The following PCDHA6 variants were observed in gnomAD, a reference collection of about 807,000 sequenced individuals.
The protein encoded by PCDHA6 is protocadherin alpha-6.
A neutral mutation model predicts 60.3 loss-of-function variants in PCDHA6; 55 were observed. The ratio of observed to expected loss-of-function variants is 0.91; its 90% confidence interval spans 0.73 to 1.14. The LOEUF (loss-of-function observed/expected upper bound fraction) is 1.14. Ranked by LOEUF, PCDHA6 falls within the 50% of genes most tolerant of loss-of-function variation. PCDHA6 has a pLI of 0.00. For synonymous variants in PCDHA6, 652 were observed against 557.9 expected, an observed-to-expected ratio of 1.17 and a Z score of -2.38; for missense variants, 1,327 against 1,256.5, an observed-to-expected ratio of 1.06 and a Z score of -0.85.
chr5:140,841,114 T>C (rs2150311282), intron 1 of PCDHA6: 5 of 610,018 alleles, frequency 8.2e-6, no homozygotes, highest in Non-Finnish European at 1.4e-5. Flanking sequence ...AAGTAATTCA[T>C]GTAATCATTA....
chr5:140,924,110 CAGTT>C (rs1462987261), intron 1 of PCDHA6, among the ~76,000 whole-genome samples: 2 of 152,206 alleles, frequency 1.3e-5, no homozygotes, highest in Non-Finnish European at 2.9e-5. Flanking sequence ...CATTCCAAAG[CAGTT>C]AGCTTGCTTA....
intron 3 of PCDHA6, among the ~76,000 whole-genome samples, chr5:141,003,398 G>A (rs1282074480): frequency 1.3e-5 from 2 of 152,114 alleles, no homozygotes; most frequent in African/African-American, 4.8e-5. Flanking sequence ...TGAAACCTCC[G>A]CCTCCCGGGT....
intron 1 of PCDHA6, among the ~76,000 whole-genome samples, chr5:140,891,866 T>C (rs2063289213): frequency 6.6e-6 from 1 of 152,184 alleles, no homozygotes; most frequent in Non-Finnish European, 1.5e-5. Flanking sequence ...TCTCTTATGC[T>C]TTTGGCTCTG....
chr5:140,835,420 A>G (rs2150235357), intron 1 of PCDHA6: 60 of 1,613,840 alleles, frequency 3.7e-5, no homozygotes, highest in Non-Finnish European at 4.5e-5. Context: ...GTAAATGACA[A>G]TGCTCCACAG....
At chr5:140,967,627 C>G (rs1218869340) in intron 1 of PCDHA6, 16 of 1,614,040 alleles carry the variant, frequency 9.9e-6, no homozygotes, top group Non-Finnish European at 1.3e-5. Context: ...CGGATGAGGG[C>G]TCCAATGGTG....
chr5:140,849,684 C>A (rs782599904), intron 1 of PCDHA6: 2 of 1,598,734 alleles, frequency 1.3e-6, no homozygotes, highest in Non-Finnish European at 8.6e-7. Flanking sequence ...CCCCTTCAAG[C>A]TGGTGTCCAC....
At chr5:140,907,416 T>C (rs1209334366) in intron 1 of PCDHA6, among the ~76,000 whole-genome samples, 1 of 152,206 alleles carries the variant, frequency 6.6e-6, no homozygotes, top group East Asian at 1.9e-4. Flanking sequence ...ACCACGATGG[T>C]GGATAAGGCA....
Position 140,855,947 on chromosome 5 carries a change from T to A in PCDHA6, c.2394+25462T>A. On this transcript the variant is annotated intron_variant, in intron 1 of 3. Transcript: ENST00000529310. Reference sequence around the variant, plus strand: ...TAGCGTCATTCTGAGATCTCAGCCATTTCGATAAAAAATAGATATAAGAAA... The same window carrying A: ...TAGCGTCATTCTGAGATCTCAGCCAATTCGATAAAAAATAGATATAAGAAA... 2.9e-6 allele frequency: 4 copies of A among 1,358,712 alleles called. No homozygotes were observed. In the Admixed American group the frequency reaches 7.1e-5, roughly 24 times the overall value. The allele number at this position is 1,358,712 out of a possible 1,614,324, so 84.2% of individuals were successfully genotyped here. A position where few individuals can be genotyped will look rare whatever the true frequency, so the allele number is the denominator to read the frequency against.
rs191251073 is a variant in PCDHA6, at chr5:140,928,748, G to C, written c.2395-50201G>C. ...ATTTCAGCCAATATAGGTGAGCTCCGTACTGCTCGCTTAGTTCTTCCCACT... is the reference window on the plus strand; with the variant it reads ...ATTTCAGCCAATATAGGTGAGCTCCCTACTGCTCGCTTAGTTCTTCCCACT... On this transcript the variant is annotated intron_variant, in intron 1 of 3. Coordinates refer to ENST00000529310, the MANE Select transcript of PCDHA6 (RefSeq NM_018909.4). The C allele has an allele frequency of 1.9e-6, 3 of 1,614,114 alleles. No individual in the cohort carries two copies. In the Admixed American group the frequency reaches 5.0e-5, roughly 27 times the overall value.
chr5:140,966,470 T>C, intron 1 of PCDHA6: 1 of 431,298 alleles, frequency 2.3e-6, no homozygotes, highest in Non-Finnish European at 4.0e-6. Context: ...TCTTCCCTTC[T>C]GTTTCCTTTT....
chr5:140,870,197 G>A lies in PCDHA6; in HGVS notation c.2394+39712G>A. The stretch of plus-strand genomic sequence containing the variant: ...CCAGTACGAGAGGACGCTCAGCCCA[G>A]CACGGTCATTGCCCTGATCAGCGTG... On this transcript the variant is annotated intron_variant, in intron 1 of 3. Coordinates refer to ENST00000529310, the MANE Select transcript of PCDHA6 (RefSeq NM_018909.4). 1 of 1,614,174 alleles carries A rather than the reference G, an allele frequency of 6.2e-7. No individual in the cohort carries two copies. Among genetic ancestry groups the A allele is most frequent in the East Asian group, 2.2e-5 (1 of 44,880 alleles).
intron 1 of PCDHA6, among the ~76,000 whole-genome samples, chr5:140,970,399 G>A (rs2096402631): frequency 6.6e-6 from 1 of 152,172 alleles, no homozygotes; most frequent in Non-Finnish European, 1.5e-5. Flanking sequence ...AAAGTGGATG[G>A]CTTACCCTAC....
At chr5:140,967,120 G>C in intron 1 of PCDHA6, 1 of 1,612,860 alleles carries the variant, frequency 6.2e-7, no homozygotes, top group East Asian at 2.2e-5. Flanking sequence ...CTCGCTGCCT[G>C]CTCAGCTTGG....
intron 1 of PCDHA6, chr5:140,929,973 G>A (rs955255771): frequency 6.6e-6 from 1 of 152,136 alleles, no homozygotes; most frequent in Non-Finnish European, 1.5e-5. Context: ...TTTGGTGAAG[G>A]TGTCTTCTTT....
At chr5:140,976,740 A>C (rs1425716353) in intron 1 of PCDHA6, among the ~76,000 whole-genome samples, 7 of 152,192 alleles carry the variant, frequency 4.6e-5, no homozygotes, top group African/African-American at 1.7e-4. Flanking sequence ...CACATTTTAA[A>C]AACCTCCCAG....
intron 1 of PCDHA6, chr5:140,869,606 T>C: frequency 2.5e-6 from 4 of 1,614,026 alleles, no homozygotes; most frequent in Non-Finnish European, 3.4e-6. Flanking sequence ...AATGCTCTAT[T>C]GACCTACAGG....
intron 1 of PCDHA6, among the ~76,000 whole-genome samples, chr5:140,908,126 C>T (rs573751399): frequency 1.6e-4 from 24 of 152,360 alleles, no homozygotes; most frequent in South Asian, 1.0e-3. Context: ...TTTCCCTTCA[C>T]TGCTGTCCTT....
chr5:140,983,548 T>C (rs1479703561), intron 3 of PCDHA6, among the ~76,000 whole-genome samples: 1 of 152,212 alleles, frequency 6.6e-6, no homozygotes, highest in African/African-American at 2.4e-5. Context: ...GTCTCATTTA[T>C]TCCTTAAGTC....
chr5:141,000,381 CTCTCTCTCTCTCTCTATATA>C (rs2097908619), intron 3 of PCDHA6, among the ~76,000 whole-genome samples: 2 of 61,370 alleles, frequency 3.3e-5, no homozygotes, highest in African/African-American at 7.4e-5. Context: ...CTCTCTCTCT[CTCTCTCTCTCTCTCTATATA>C]TATATATATA....
Sources: gnomAD v4.1 joint callset for allele counts (sites outside exome capture counted in the v4.1 genomes callset) on GRCh38, gnomAD v4.1.1 for gene constraint, MANE v1.5 for transcripts, NCBI Gene and HGNC (gene_info 2026-07-23, HGNC 2026-07-21) for gene names.